MPV17: variants seen among roughly 807,000 people sequenced by gnomAD.
MPV17 encodes the protein mitochondrial inner membrane protein MPV17, also known as MPV17, mitochondrial inner membrane protein.
Under a neutral mutation model 28.6 loss-of-function variants are expected in MPV17, and 31 were observed. That is an observed-to-expected ratio of 1.08 (90% CI 0.81 to 1.46). The LOEUF (loss-of-function observed/expected upper bound fraction) is 1.46, where lower values mean the gene tolerates loss of function less well. Ranked by LOEUF, MPV17 falls within the 40% of genes most tolerant of loss-of-function variation. The pLI is 0.00. For synonymous variants in MPV17, 87 were observed against 85.3 expected, an observed-to-expected ratio of 1.02 and a Z score of -0.11; for missense variants, 198 against 216.2, an observed-to-expected ratio of 0.92 and a Z score of 0.53.
At chr2:27,322,325 AAGAC>A (rs1679890224) in intron 2 of MPV17, 119 bp downstream of exon 2, 1 of 901,736 alleles carries the variant, frequency 1.1e-6, no homozygotes, top group Non-Finnish European at 1.8e-6. Flanking sequence ...TGTAGGATGA[AAGAC>A]AGCCAACCCT....
rs1679684457 is a variant in MPV17, at chr2:27,317,097, C to G, written c.71-3988G>C. The G allele has an allele frequency of 6.5e-7, 1 of 1,548,908 alleles. No homozygotes were observed. The highest frequency in any genetic ancestry group is 1.2e-5 in the South Asian group (1 of 83,860). On this transcript the variant is annotated intron_variant, in intron 2 of 7. Transcript: ENST00000380044. This position sits in a 1 kb window ranked among gnomAD's most constrained non-coding sequence, Gnocchi z 4.0. ...ACTTACTTTTGTGGCTTTTGAGTTT[C>G]ATGCGCAGAAGGCAGAGGGGCAAGA... is the stretch of plus-strand genomic sequence containing the variant.
At chr2:27,318,648 G>A (rs1016623679) in intron 2 of MPV17, among the ~76,000 whole-genome samples, 15 of 151,970 alleles carry the variant, frequency 9.9e-5, no homozygotes, top group African/African-American at 2.7e-4. Context: ...TACCCAGCCT[G>A]GGGTAAGTCT....
chr2:27,310,887 G>T (rs1438226799), intron 7 of MPV17, among the ~76,000 whole-genome samples: 1 of 151,934 alleles, frequency 6.6e-6, no homozygotes, highest in East Asian at 1.9e-4. Flanking sequence ...TGGGACTACA[G>T]GCACCTGCCA....
Position 27,312,453 on chromosome 2 carries a change from G to A in MPV17, c.375+41C>T, listed in dbSNP as rs201532533. On this transcript the variant is annotated intron_variant, in intron 5 of 7. Coordinates refer to ENST00000380044, the MANE Select transcript of MPV17 (RefSeq NM_002437.5). ...CCTGTCTTCTTCCCCTGGGCTGTCA[G>A]CCCGCCAGCCAGAGACATTCTCCAC... is the stretch of plus-strand genomic sequence containing the variant. The A allele has an allele frequency of 1.7e-4, 270 of 1,601,736 alleles. 1 individual carries two copies. The Admixed American group carries it at 4.3e-3, about 26-fold the overall frequency.
chr2:27,311,457 T>G, intron 7 of MPV17: 1 of 861,598 alleles, frequency 1.2e-6, no homozygotes, highest in South Asian at 1.7e-5. Flanking sequence ...ATCCTTCACC[T>G]TCAAGCATTT....
intron 2 of MPV17, among the ~76,000 whole-genome samples, chr2:27,320,443 T>C (rs1454705853): frequency 6.6e-6 from 1 of 151,554 alleles, no homozygotes; most frequent in African/African-American, 2.4e-5. Context: ...TTCAAGTGAT[T>C]CTCCTGCCTC....
rs2148220976 is a variant in MPV17, at chr2:27,317,868, T to TA, written c.70+4579dup. ...TGGACTCTGGCTTGGCCAAAACTGG[T>TA]ATACTAGACATTTCTTTTGAATCAT... is the stretch of plus-strand genomic sequence containing the variant. On this transcript the variant is annotated intron_variant, in intron 2 of 7. Transcript: ENST00000380044. This position sits in a 1 kb window ranked among gnomAD's most constrained non-coding sequence, Gnocchi z 4.0. 6.6e-6 allele frequency among the ~76,000 whole-genome samples: 1 copy of TA among 152,312 alleles called. No individual in the cohort carries two copies. Among genetic ancestry groups the TA allele is most frequent in the South Asian group, 2.1e-4 (1 of 4,828 alleles).
intron 2 of MPV17, 94 bp downstream of exon 2, chr2:27,322,354 T>C (rs1167520259): frequency 2.8e-6 from 3 of 1,067,492 alleles, no homozygotes; most frequent in East Asian, 2.4e-5. Context: ...GAGAGCCGAA[T>C]AGAAACAGGA....
At chr2:27,319,492 G>A (rs907588241) in intron 2 of MPV17, among the ~76,000 whole-genome samples, 2 of 142,228 alleles carry the variant, frequency 1.4e-5, no homozygotes, top group Non-Finnish European at 3.1e-5. Flanking sequence ...ATGGGATCAT[G>A]CCACTGCACT....
Position 27,311,042 on chromosome 2 carries a change from CTTTTTTTTTTTTTTTTTTT to C in MPV17, c.461+838_461+856del, listed in dbSNP as rs35806208. Reference sequence around the variant, plus strand: ...ACAGGCGTGAGCCACTGTGTCCAGCCTTTTTTTTTTTTTTTTTTTTTTTTTTTTTTGGAGACAGGGTCGT... The same window carrying C: ...ACAGGCGTGAGCCACTGTGTCCAGCCTTTTTTTTTTTGGAGACAGGGTCGT... On this transcript the variant is annotated intron_variant, in intron 7 of 7. Transcript: ENST00000380044. 5 of 70,554 alleles carry C rather than the reference CTTTTTTTTTTTTTTTTTTT, an allele frequency of 7.1e-5. 1 individual carries two copies. The highest frequency in any genetic ancestry group is 5.3e-4 in the South Asian group (1 of 1,870). 4.4% of individuals were successfully genotyped at this position (70,554 alleles called of 1,614,324 possible). A position where few individuals can be genotyped will look rare whatever the true frequency, so the allele number is the denominator to read the frequency against.
rs1679689945 is a variant in MPV17, at chr2:27,317,227, C to T, written c.71-4118G>A. On this transcript the variant is annotated intron_variant, in intron 2 of 7. Coordinates refer to ENST00000380044, the MANE Select transcript of MPV17 (RefSeq NM_002437.5). The surrounding 1 kb of genome is among the most constrained non-coding windows in gnomAD (Gnocchi z 4.0). ...GGGGCCAGCAGTGCTGCCTTCCTCC[C>T]CAGAAGTCTGCAAACATTAGTTAGC... 1 of 1,545,272 alleles carries T rather than the reference C, an allele frequency of 6.5e-7. No homozygotes were observed. The highest frequency in any genetic ancestry group is 8.7e-7 in the Non-Finnish European group (1 of 1,144,526).
At chr2:27,311,872 G>T in intron 7 of MPV17, 27 bp downstream of exon 7, 1 of 1,612,592 alleles carries the variant, frequency 6.2e-7, no homozygotes, top group Non-Finnish European at 8.5e-7. Flanking sequence ...GGTCTTCCTT[G>T]ATGGGTGGGG....
chr2:27,311,188 G>C (rs1679427404), intron 7 of MPV17: 1 of 168,680 alleles, frequency 5.9e-6, no homozygotes, highest in Non-Finnish European at 1.3e-5. Flanking sequence ...CTCCCGAGTA[G>C]CTGGGACTAC....
chr2:27,322,809 G>C (rs1679906935), intron 1 of MPV17, among the ~76,000 whole-genome samples: 1 of 152,212 alleles, frequency 6.6e-6, no homozygotes, highest in East Asian at 1.9e-4. Context: ...CTCCGTTCCC[G>C]ACGGAGACAC....
rs1258194394 is a variant in MPV17 at position 27,316,147 on chromosome 2, GCTC to G, written c.71-3041_71-3039del. The G allele has an allele frequency of 4.5e-6, 7 of 1,551,144 alleles. No individual in the cohort carries two copies. In the South Asian group the frequency reaches 8.3e-5, roughly 18 times the overall value. The stretch of plus-strand genomic sequence containing the variant: ...TTACTCCCCCAAATTCCATCATTCT[GCTC>G]CTTGTCACCTCGTGGGGATGGCAGA... On this transcript the variant is annotated intron_variant, in intron 2 of 7. Transcript: ENST00000380044.
In MPV17 at chr2:27,311,822, T is replaced by G. The variant is rs1558598341; in HGVS notation, c.461+77A>C. 1.9e-6 allele frequency: 3 copies of G among 1,587,292 alleles called. No homozygotes were observed. The Admixed American group carries it at 5.4e-5, about 29-fold the overall frequency. On this transcript the variant is annotated intron_variant, in intron 7 of 7. Coordinates refer to ENST00000380044, the MANE Select transcript of MPV17 (RefSeq NM_002437.5). ...TTGGGGGTCTAAGGTAGCTCAAGGTTGAAATGAGAATCATTTTGTCTCCAA... is the reference window on the plus strand; with the variant it reads ...TTGGGGGTCTAAGGTAGCTCAAGGTGGAAATGAGAATCATTTTGTCTCCAA...
At chr2:27,313,246 A>C in intron 2 of MPV17, 137 bp from the exon 3 acceptor site, 1 of 1,541,770 alleles carries the variant, frequency 6.5e-7, no homozygotes, top group Non-Finnish European at 8.8e-7. Context: ...ACAAATGACT[A>C]GTCCCTTCCT....
chr2:27,312,909 G>C, intron 3 of MPV17, 85 bp downstream of exon 3: 1 of 1,555,390 alleles, frequency 6.4e-7, no homozygotes, highest in East Asian at 2.2e-5. Flanking sequence ...TGGCTTAGGT[G>C]TGAGAGTCCA....
rs758559605 is a variant in MPV17 at position 27,312,663 on chromosome 2, T to C, written c.279+17A>G. The C allele has an allele frequency of 5.6e-6, 9 of 1,613,850 alleles. No individual in the cohort carries two copies. The Admixed American group carries it at 1.2e-4, about 21-fold the overall frequency. Reference sequence around the variant, plus strand: ...CCCCAACACAGCTCACCCTCCCCACTCTGTTCTCCTGCTCACCTGATCCAA... The same window carrying C: ...CCCCAACACAGCTCACCCTCCCCACCCTGTTCTCCTGCTCACCTGATCCAA... On this transcript the variant is annotated intron_variant, in intron 4 of 7. Coordinates refer to ENST00000380044, the MANE Select transcript of MPV17 (RefSeq NM_002437.5).
Sources: allele counts gnomAD v4.1 joint callset (sites outside exome capture counted in the v4.1 genomes callset), GRCh38; gene constraint gnomAD v4.1.1; non-coding constraint Gnocchi (gnomAD v3.1); transcripts MANE v1.5; gene names NCBI Gene and HGNC (gene_info 2026-07-23, HGNC 2026-07-21).